TJP3: variants seen among roughly 807,000 people sequenced by gnomAD.
TJP3 encodes the protein tight junction protein 3.
A neutral mutation model predicts 104.2 loss-of-function variants in TJP3; 85 were observed. The observed-to-expected ratio is 0.82, with a 90% CI of 0.68 to 0.98. The LOEUF is 0.98. Ranked by LOEUF, TJP3 falls within the 50% of genes least tolerant of loss-of-function variation. TJP3 has a pLI of 0.00. For synonymous variants in TJP3, 550 were observed against 550.6 expected (o/e 1.00, Z 0.02); for missense variants, 1,367 against 1,322.8 (o/e 1.03, Z -0.52).
In TJP3 at chr19:3,746,177, C is replaced by T. The variant is rs549361536; in HGVS notation, c.2010+96C>T. On this transcript the variant is annotated intron_variant, in intron 16 of 20. Coordinates refer to ENST00000541714, the MANE Select transcript of TJP3 (RefSeq NM_001267560.2). This position sits in a 1 kb window ranked among gnomAD's most constrained non-coding sequence, Gnocchi z 4.1. The stretch of plus-strand genomic sequence containing the variant: ...GTCCTGACCTGTTCTCAGCCCACAC[C>T]CCACAAGTGCAGTCTTCCATAGAGC... 8.8e-6 allele frequency: 11 copies of T among 1,246,492 alleles called. No homozygotes were observed. The highest frequency in any genetic ancestry group is 1.9e-4 in the Middle Eastern group (1 of 5,222). The allele number at this position is 1,246,492 out of a possible 1,614,324, so 77.2% of individuals were successfully genotyped here. A position where few individuals can be genotyped will look rare whatever the true frequency, so the allele number is the denominator to read the frequency against.
rs575219807 is a variant in TJP3, at chr19:3,730,553, C to A, written c.460C>A (p.Arg154=). The change falls in exon 5 of 21, where the codon CGG becomes AGG. Residue 154 remains arginine (R), a synonymous_variant. Transcript: ENST00000541714. The surrounding 1 kb of genome is among the most constrained non-coding windows in gnomAD (Gnocchi z 7.3). ...CTCCCGCCGGCCGAGGCCTGGTCGCCGGGGCCGGGCCGGCAGCCATGGGCG... is the reference window on the plus strand; with the variant it reads ...CTCCCGCCGGCCGAGGCCTGGTCGCAGGGGCCGGGCCGGCAGCCATGGGCG... ...ERSRRPRPGR[R]GRAGSHGRRS... 1 of 1,603,688 alleles carries A rather than the reference C, an allele frequency of 6.2e-7. No homozygotes were observed. Among genetic ancestry groups the A allele is most frequent in the Non-Finnish European group, 8.5e-7 (1 of 1,177,490 alleles).
chr19:3,723,541 C>G (rs973506067), intron 1 of TJP3, among the ~76,000 whole-genome samples: 6 of 152,064 alleles, frequency 3.9e-5, no homozygotes, highest in African/African-American at 1.4e-4. Flanking sequence ...CCTGTAATCC[C>G]AGCACTTTGG....
chr19:3,734,590 A>G (rs1025869762), intron 8 of TJP3, among the ~76,000 whole-genome samples, 155 bp downstream of exon 8: 18 of 152,102 alleles, frequency 1.2e-4, no homozygotes, highest in African/African-American at 3.9e-4. Context: ...GCCTCTACCC[A>G]TTACCCAGTT....
At chr19:3,724,081 A>C (rs2036571921) in intron 1 of TJP3, among the ~76,000 whole-genome samples, 1 of 152,134 alleles carries the variant, frequency 6.6e-6, no homozygotes. Context: ...GAGGGTTTAG[A>C]CAAAGCTTCT....
intron 1 of TJP3, among the ~76,000 whole-genome samples, chr19:3,709,548 C>T (rs950879486): frequency 2.0e-5 from 3 of 152,176 alleles, no homozygotes; most frequent in Non-Finnish European, 2.9e-5. Context: ...ACCAAGGGAG[C>T]TTCCTCGTGA....
intron 1 of TJP3, among the ~76,000 whole-genome samples, chr19:3,719,732 CAAAAA>C (rs34047272): frequency 3.7e-5 from 3 of 81,738 alleles, no homozygotes; most frequent in African/African-American, 8.7e-5. Flanking sequence ...GACTCCGTCT[CAAAAA>C]AAAAAAAAAA....
At chr19:3,748,236 G>A (rs1035325241) in intron 19 of TJP3, among the ~76,000 whole-genome samples, 155 bp downstream of exon 19, 1 of 151,562 alleles carries the variant, frequency 6.6e-6, no homozygotes, top group African/African-American at 2.4e-5. Context: ...TGGGGTAGCT[G>A]AGACCCACGT....
rs984759133 is a variant in TJP3 at position 3,740,781 on chromosome 19, A to T, written c.1843+18A>T. 1.3e-6 allele frequency: 2 copies of T among 1,538,402 alleles called. No homozygotes were observed. The highest frequency in any genetic ancestry group is 2.0e-5 in the Admixed American group (1 of 48,852). On this transcript the variant is annotated intron_variant, in intron 14 of 20. Coordinates refer to ENST00000541714, the MANE Select transcript of TJP3 (RefSeq NM_001267560.2). The stretch of plus-strand genomic sequence containing the variant: ...GCGAGAAGGTGGGGCCCGGAGCTGG[A>T]GGGGCCCTGGGGAGGCCTCACACAC...
At chr19:3,720,266 T>TGAGGG (rs1478556586) in intron 1 of TJP3, among the ~76,000 whole-genome samples, 1 of 152,168 alleles carries the variant, frequency 6.6e-6, no homozygotes, top group East Asian at 1.9e-4. Context: ...TGGAGACCCT[T>TGAGGG]GAGGGGCTGA....
chr19:3,732,135 C>T (rs1326739926), intron 6 of TJP3, 97 bp downstream of exon 6: 8 of 975,098 alleles, frequency 8.2e-6, no homozygotes, highest in Non-Finnish European at 1.2e-5. Flanking sequence ...AGAACTGGGC[C>T]CCAAAGCATT....
intron 1 of TJP3, among the ~76,000 whole-genome samples, chr19:3,724,170 G>A (rs1199376672): frequency 1.3e-5 from 2 of 151,892 alleles, no homozygotes; most frequent in African/African-American, 4.8e-5. Context: ...CCCACTCTGG[G>A]TTCGGGGGCC....
intron 8 of TJP3, among the ~76,000 whole-genome samples, chr19:3,735,008 A>G (rs1335683132): frequency 6.6e-6 from 1 of 152,048 alleles, no homozygotes; most frequent in Non-Finnish European, 1.5e-5. Context: ...AGACTGAGTC[A>G]TGTGAGACTG....
chr19:3,718,705 G>C (rs1425575984), intron 1 of TJP3, among the ~76,000 whole-genome samples: 1 of 151,334 alleles, frequency 6.6e-6, no homozygotes, highest in Non-Finnish European at 1.5e-5. Flanking sequence ...CTGACCTCAG[G>C]TGATCTGCCC....
In TJP3 at chr19:3,730,556, G is replaced by A; in HGVS notation, c.463G>A (p.Gly155Ser). Residue 155 changes from glycine (G) to serine (S), a missense_variant, in exon 5 of 21, where the codon GGC (glycine) becomes AGC (serine). By Grantham distance (56) the Gly-to-Ser change is moderately conservative (BLOSUM62 0). Coordinates refer to ENST00000541714, the MANE Select transcript of TJP3 (RefSeq NM_001267560.2). This position sits in a 1 kb window ranked among gnomAD's most constrained non-coding sequence, Gnocchi z 7.3. ...RSRRPRPGRRGRAGSHGRRSP... is the reference protein window; with the variant it reads ...RSRRPRPGRRSRAGSHGRRSP... ...CCGCCGGCCGAGGCCTGGTCGCCGG[G>A]GCCGGGCCGGCAGCCATGGGCGTAG... is the stretch of plus-strand genomic sequence containing the variant. 1 of 1,604,930 alleles carries A rather than the reference G, an allele frequency of 6.2e-7. No homozygotes were observed. The highest frequency in any genetic ancestry group is 8.5e-7 in the Non-Finnish European group (1 of 1,177,962).
intron 14 of TJP3, among the ~76,000 whole-genome samples, chr19:3,743,064 G>A (rs2036844161): frequency 6.6e-6 from 1 of 151,866 alleles, no homozygotes; most frequent in Non-Finnish European, 1.5e-5. Context: ...AGGAGTTCGA[G>A]ATCAGCTTGA....
At chr19:3,733,493 G>A (rs2036698494) in intron 6 of TJP3, among the ~76,000 whole-genome samples, 1 of 152,120 alleles carries the variant, frequency 6.6e-6, no homozygotes, top group Non-Finnish European at 1.5e-5. Flanking sequence ...GGTAAGAAAG[G>A]AGAGTCAACC....
At chr19:3,710,556 T>C (rs1378593365) in intron 1 of TJP3, among the ~76,000 whole-genome samples, 1 of 151,790 alleles carries the variant, frequency 6.6e-6, no homozygotes, top group African/African-American at 2.4e-5. Context: ...GGGCAGGGAG[T>C]ATGGGTACTT....
At chr19:3,722,557 G>A (rs2036551582) in intron 1 of TJP3, among the ~76,000 whole-genome samples, 1 of 150,286 alleles carries the variant, frequency 6.7e-6, no homozygotes, top group African/African-American at 2.4e-5. Context: ...TGAGCAAGCC[G>A]GCTGGGGTGC....
intron 13 of TJP3, among the ~76,000 whole-genome samples, chr19:3,740,191 C>T (rs771493426): frequency 5.3e-5 from 8 of 151,702 alleles, no homozygotes; most frequent in African/African-American, 1.9e-4. Flanking sequence ...GAGATTGCAC[C>T]GCTGCACTCC....
Sources: gnomAD v4.1 joint callset for allele counts (sites outside exome capture counted in the v4.1 genomes callset) on GRCh38, gnomAD v4.1.1 for gene constraint, Gnocchi (gnomAD v3.1) non-coding constraint, MANE v1.5 for transcripts, NCBI Gene and HGNC (gene_info 2026-07-23, HGNC 2026-07-21) for gene names.